Variants in EMC1 observed in about 807,000 individuals in gnomAD.
The protein encoded by EMC1 is KIAA0090.
Under a neutral mutation model 128.8 loss-of-function variants are expected in EMC1, and 103 were observed. The ratio of observed to expected loss-of-function variants is 0.80; its 90% CI spans 0.68 to 0.94. The LOEUF is 0.94. EMC1 is among the 40% of genes least tolerant of loss of function. The pLI is 0.00. For synonymous variants in EMC1, 442 were observed against 490.4 expected (o/e 0.90, Z 1.30); for missense variants, 1,083 against 1,250.6 (o/e 0.87, Z 2.02).
rs2093411609 is a variant in EMC1 at position 19,219,038 on chromosome 1, A to T, written c.*265T>A. 5.3e-6 allele frequency: 2 copies of T among 378,984 alleles called. No individual in the cohort carries two copies. Among genetic ancestry groups the T allele is most frequent in the East Asian group, 8.4e-5 (2 of 23,728 alleles). The allele number at this position is 378,984 out of a possible 1,614,324, so 23.5% of individuals were successfully genotyped here. Reference sequence around the variant, plus strand: ...GATGGGCAAAGAAAGGAAACAATGCAGACGCCTTTGGACTTCAAGAGAAAG... The same window carrying T: ...GATGGGCAAAGAAAGGAAACAATGCTGACGCCTTTGGACTTCAAGAGAAAG... On this transcript the variant is annotated 3_prime_UTR_variant, in exon 23 of 23. Coordinates refer to ENST00000477853, the MANE Select transcript of EMC1 (RefSeq NM_015047.3).
intron 7 of EMC1, 23 bp downstream of exon 7, chr1:19,240,271 CAGA>C (rs1464334328): frequency 1.2e-6 from 2 of 1,613,740 alleles, no homozygotes; most frequent in South Asian, 2.2e-5. Context: ...TGCCTCAGGC[CAGA>C]AGAAGCAGTG....
chr1:19,225,903 T>C (rs115626273), intron 18 of EMC1, among the ~76,000 whole-genome samples: 123 of 152,166 alleles, frequency 8.1e-4, no homozygotes, highest in African/African-American at 2.9e-3. Flanking sequence ...CATGTTATCA[T>C]TAATCTTCAA....
chr1:19,226,734 GTT>G (rs968836465), intron 18 of EMC1, among the ~76,000 whole-genome samples: 3 of 139,844 alleles, frequency 2.1e-5, no homozygotes, highest in Non-Finnish European at 4.7e-5. Flanking sequence ...TGTTTTTTTT[GTT>G]TTTTTTTTTT....
rs751484278 is a variant in EMC1 at position 19,243,708 on chromosome 1, C to G, written c.287-1G>C. On this transcript the variant is annotated splice_acceptor_variant, in intron 3 of 22. Transcript: ENST00000477853. LOFTEE classifies it high-confidence loss of function. ...CCTCCATTGGACACAGTGATCACATCTGGAAAAGAAAAGATCGTGGTGAAG... is the reference window on the plus strand; with the variant it reads ...CCTCCATTGGACACAGTGATCACATGTGGAAAAGAAAAGATCGTGGTGAAG... The G allele has an allele frequency of 2.5e-6, 4 of 1,614,012 alleles. No homozygotes were observed. Among genetic ancestry groups the G allele is most frequent in the East Asian group, 2.2e-5 (1 of 44,900 alleles).
At chr1:19,234,682 C>A (rs2093549806) in intron 13 of EMC1, among the ~76,000 whole-genome samples, 1 of 152,030 alleles carries the variant, frequency 6.6e-6, no homozygotes, top group Admixed American at 6.6e-5. Flanking sequence ...CCTGTTGCTA[C>A]TAAAAATACA....
chr1:19,235,529 C>G (rs1213960628), intron 12 of EMC1, among the ~76,000 whole-genome samples: 3 of 151,988 alleles, frequency 2.0e-5, no homozygotes, highest in Non-Finnish European at 4.4e-5. Context: ...GGTGAAACCC[C>G]TCTCTACTAA....
At chr1:19,229,028 A>C (rs1287512675) in intron 17 of EMC1, among the ~76,000 whole-genome samples, 1 of 152,162 alleles carries the variant, frequency 6.6e-6, no homozygotes, top group African/African-American at 2.4e-5. Context: ...TGGGTGACAG[A>C]GCGAGACTCT....
chr1:19,234,337 G>T (rs994203149), intron 13 of EMC1: 2 of 202,788 alleles, frequency 9.9e-6, no homozygotes, highest in Non-Finnish European at 1.8e-5. Flanking sequence ...GAGAGAGGGT[G>T]GGGGGCAGGA....
Position 19,223,386 on chromosome 1 carries a change from G to A in EMC1, c.2376+10C>T. On this transcript the variant is annotated intron_variant, in intron 19 of 22. Coordinates refer to ENST00000477853, the MANE Select transcript of EMC1 (RefSeq NM_015047.3). The stretch of plus-strand genomic sequence containing the variant: ...GGAGCTACCTTGGGTCCCTGGTAGT[G>A]ACCGCTTACCACCACCCAGTTCTCT... 1 of 1,612,016 alleles carries A rather than the reference G, an allele frequency of 6.2e-7. No homozygotes were observed. Among genetic ancestry groups the A allele is most frequent in the Non-Finnish European group, 8.5e-7 (1 of 1,178,260 alleles).
At chr1:19,243,446 A>C (rs944161176) in intron 4 of EMC1, among the ~76,000 whole-genome samples, 168 bp downstream of exon 4, 1 of 152,218 alleles carries the variant, frequency 6.6e-6, no homozygotes, top group African/African-American at 2.4e-5. Context: ...ACAGGCGCTC[A>C]ATACATGTTG....
chr1:19,237,814 C>G (rs777040000), intron 11 of EMC1, among the ~76,000 whole-genome samples: 3 of 152,258 alleles, frequency 2.0e-5, no homozygotes, highest in Non-Finnish European at 2.9e-5. Flanking sequence ...AAGCTTAGAA[C>G]AGTCCCTGGT....
intron 17 of EMC1, among the ~76,000 whole-genome samples, chr1:19,228,811 G>A (rs973889290): frequency 3.3e-5 from 5 of 152,140 alleles, no homozygotes; most frequent in East Asian, 3.9e-4. Flanking sequence ...CAGCACTTTC[G>A]GAGCCCGAGG....
intron 16 of EMC1, 42 bp downstream of exon 16, chr1:19,231,219 G>C (rs2275403): frequency 0.56 from 864,128 of 1,549,252 alleles, 246,655 homozygotes; most frequent in African/African-American, 0.82. Context: ...GCCCCAAACC[G>C]GACTCCGCTA....
chr1:19,248,023 C>CA (rs200472630), intron 1 of EMC1, among the ~76,000 whole-genome samples: 86 of 141,124 alleles, frequency 6.1e-4, no homozygotes, highest in Middle Eastern at 3.7e-3. Flanking sequence ...GACTCTGTCC[C>CA]AAAAAAAAAA....
chr1:19,233,252 A>T (rs1452295428), intron 13 of EMC1, 117 bp from the exon 14 acceptor site: 2 of 874,662 alleles, frequency 2.3e-6, no homozygotes, highest in African/African-American at 3.4e-5. Context: ...TCCACACTCT[A>T]GGCCACAAGC....
At chr1:19,251,386 T>C in intron 1 of EMC1, 29 bp downstream of exon 1, 1 of 1,597,806 alleles carries the variant, frequency 6.3e-7, no homozygotes, top group South Asian at 1.1e-5. Context: ...CAGCCACTTA[T>C]CTCTCGAATA....
At chr1:19,247,427 C>T (rs2151966098) in intron 1 of EMC1, among the ~76,000 whole-genome samples, 1 of 152,290 alleles carries the variant, frequency 6.6e-6, no homozygotes, top group East Asian at 1.9e-4. Context: ...ACAGCATATA[C>T]AGTGGTGGTC....
At position 19,232,972 on chromosome 1, in the gene EMC1, G is replaced by A; in HGVS notation, c.1596C>T (p.Leu532=). The change falls in exon 14 of 23, where the codon CTC becomes CTT. Residue 532 remains leucine, a synonymous_variant. Transcript: ENST00000477853. ...CTGTTACCATCACCATCATCTTCTG[G>A]AGGTTGAATTCATCTCTGGCCAGGG... ...IDTLARDEFN[L]QKMMVMVTAS... is the part of the protein sequence containing the mutation. 6.2e-7 allele frequency: 1 copy of A among 1,614,144 alleles called. No individual in the cohort carries two copies. The highest frequency in any genetic ancestry group is 1.1e-5 in the South Asian group (1 of 91,074).
chr1:19,215,705 CAG>C lies in EMC1; in HGVS notation c.*3596_*3597del, dbSNP rs980845169. Reference sequence around the variant, plus strand: ...TTTTTCATTTTATTTATTTTTGAGACAGGGTCTCACTGTGTTGCCCAGACTGG... The same window carrying C: ...TTTTTCATTTTATTTATTTTTGAGACGGTCTCACTGTGTTGCCCAGACTGG... On this transcript the variant is annotated 3_prime_UTR_variant, in exon 23 of 23. Coordinates refer to ENST00000477853, the MANE Select transcript of EMC1 (RefSeq NM_015047.3). 1.3e-5 allele frequency: 2 copies of C among 148,174 alleles called. No homozygotes were observed. The highest frequency in any genetic ancestry group is 2.5e-5 in the African/African-American group (1 of 40,338). The allele number at this position is 148,174 out of a possible 1,614,324, so 9.2% of individuals were successfully genotyped here.
Sources: gnomAD v4.1 joint callset for allele counts (sites outside exome capture counted in the v4.1 genomes callset) on GRCh38, gnomAD v4.1.1 for gene constraint, MANE v1.5 for transcripts, NCBI Gene and HGNC (gene_info 2026-07-23, HGNC 2026-07-21) for gene names.